PCDHGB1: variants seen among roughly 807,000 people sequenced by gnomAD.
The protein encoded by PCDHGB1 is protocadherin gamma subfamily B, 1, also known as protocadherin gamma-B1.
PCDHGB1 carries 34 observed loss-of-function variants against 56.6 expected under a neutral mutation model. That is an observed-to-expected ratio of 0.60 (90% CI 0.46 to 0.80). PCDHGB1 has a LOEUF of 0.80. Ranked by LOEUF, PCDHGB1 falls within the 30% of genes least tolerant of loss-of-function variation. The pLI is 0.00. For synonymous variants in PCDHGB1, 561 were observed against 505.9 expected (o/e 1.11, Z -1.46); for missense variants, 1,278 against 1,204.6 (o/e 1.06, Z -0.90).
At chr5:141,379,087 A>G (rs1464802506) in intron 1 of PCDHGB1, 1 of 152,222 alleles carries the variant, frequency 6.6e-6, no homozygotes, top group Non-Finnish European at 1.5e-5. Flanking sequence ...TTTGTTATGA[A>G]TGTGTAAGAA....
At chr5:141,397,871 C>G (rs2093579938) in intron 1 of PCDHGB1, 6 of 574,628 alleles carry the variant, frequency 1.0e-5, no homozygotes, top group Non-Finnish European at 1.8e-5. Flanking sequence ...AGTGCTGACT[C>G]TGGGCGCCGC....
chr5:141,424,036 C>A, intron 1 of PCDHGB1: 1 of 1,029,606 alleles, frequency 9.7e-7, no homozygotes, highest in Non-Finnish European at 1.2e-6. Context: ...CTTTTTATTT[C>A]CATTTCAATT....
chr5:141,468,433 A>G (rs2099167290), intron 1 of PCDHGB1: 1 of 152,202 alleles, frequency 6.6e-6, no homozygotes, highest in Non-Finnish European at 1.5e-5. Context: ...GGTAATAGCA[A>G]AATGTGGGTG....
rs530007628 is a variant in PCDHGB1 at position 141,376,702 on chromosome 5, C to T, written c.2409+24033C>T. 1,559 of 561,286 alleles carry T rather than the reference C, an allele frequency of 2.8e-3. 9 individuals carry two copies. The highest frequency in any genetic ancestry group is 3.4e-3 in the Non-Finnish European group (1,255 of 368,136). The allele number at this position is 561,286 out of a possible 1,614,324, so 34.8% of individuals were successfully genotyped here. On this transcript the variant is annotated intron_variant, in intron 1 of 3. Transcript: ENST00000523390. Reference sequence around the variant, plus strand: ...TTTTTTTTTTTTTTTTTTTTTGAGACGGAGTCTCGCTCTGTCGCCCAGGCC... The same window carrying T: ...TTTTTTTTTTTTTTTTTTTTTGAGATGGAGTCTCGCTCTGTCGCCCAGGCC...
At chr5:141,360,081 C>T in intron 1 of PCDHGB1, 6 of 1,486,284 alleles carry the variant, frequency 4.0e-6, no homozygotes, top group Admixed American at 2.5e-5. Flanking sequence ...CCGGATTCTG[C>T]CATCCCCGGA....
At position 141,351,224 on chromosome 5, in the gene PCDHGB1, G is replaced by A; in HGVS notation, c.964G>A (p.Val322Ile). ...VLSVEAKDGG[V>I]HTAHCNVQIE... is the part of the protein sequence containing the mutation. ...GAGTGTGGAAGCTAAGGATGGAGGA[G>A]TACACACAGCTCACTGTAATGTTCA... The change falls in exon 1 of 4, where the codon GTA becomes ATA. Residue 322 changes from valine (V) to isoleucine (I), a missense_variant. Val to Ile is a conservative substitution (Grantham distance 29). Transcript: ENST00000523390. The A allele has an allele frequency of 6.2e-7, 1 of 1,614,036 alleles. No individual in the cohort carries two copies. Among genetic ancestry groups the A allele is most frequent in the East Asian group, 2.2e-5 (1 of 44,884 alleles).
chr5:141,496,499 G>A (rs1417059875), intron 2 of PCDHGB1, among the ~76,000 whole-genome samples: 1 of 152,102 alleles, frequency 6.6e-6, no homozygotes, highest in Non-Finnish European at 1.5e-5. Context: ...AACCCTTGTT[G>A]CCACAAGGAC....
rs746848714 is a variant in PCDHGB1, at chr5:141,357,268, A to G, written c.2409+4599A>G. 1.9e-6 allele frequency: 3 copies of G among 1,613,280 alleles called. No homozygotes were observed. The South Asian group carries it at 3.3e-5, about 18-fold the overall frequency. On this transcript the variant is annotated intron_variant, in intron 1 of 3. Transcript: ENST00000523390. ...AGCAGACCCAGACGACTCGGGCCTCACACTCTATCTCGTGGTGGCAGTGGC... is the reference window on the plus strand; with the variant it reads ...AGCAGACCCAGACGACTCGGGCCTCGCACTCTATCTCGTGGTGGCAGTGGC...
In PCDHGB1 at chr5:141,474,057, G is replaced by A. The variant is rs546654716; in HGVS notation, c.2410-20750G>A. Among the ~76,000 whole-genome samples, 3 of 152,192 alleles carry A rather than the reference G, an allele frequency of 2.0e-5. No homozygotes were observed. In the East Asian group the frequency reaches 5.8e-4, roughly 29 times the overall value. On this transcript the variant is annotated intron_variant, in intron 1 of 3. Transcript: ENST00000523390. ...TGTACTCCAGCCTGGATGACAGAGC[G>A]AGATCCTGCCTCAGAAACAAAAACC... is the stretch of plus-strand genomic sequence containing the variant.
At chr5:141,398,850 A>G in intron 1 of PCDHGB1, 20 of 1,613,982 alleles carry the variant, frequency 1.2e-5, no homozygotes, top group Non-Finnish European at 1.6e-5. Flanking sequence ...ATCCCCCGGT[A>G]TTCAACCGAG....
At chr5:141,362,281 C>A in intron 1 of PCDHGB1, 4 of 1,614,016 alleles carry the variant, frequency 2.5e-6, no homozygotes, top group Non-Finnish European at 3.4e-6. Flanking sequence ...CCTGCGCCTG[C>A]GACTCTCTTC....
intron 1 of PCDHGB1, chr5:141,374,714 G>C (rs1236113306): frequency 1.2e-6 from 2 of 1,609,850 alleles, no homozygotes; most frequent in South Asian, 2.2e-5. Flanking sequence ...TTACCGCCTG[G>C]TCCTTACTGC....
rs769641310 is a variant in PCDHGB1, at chr5:141,477,421, T to G, written c.2410-17386T>G. 1.7e-5 allele frequency: 28 copies of G among 1,614,172 alleles called. No individual in the cohort carries two copies. Among genetic ancestry groups the G allele is most frequent in the Non-Finnish European group, 2.3e-5 (27 of 1,180,028 alleles). On this transcript the variant is annotated intron_variant, in intron 1 of 3. Coordinates refer to ENST00000523390, the MANE Select transcript of PCDHGB1 (RefSeq NM_018922.3). The surrounding 1 kb of genome is among the most constrained non-coding windows in gnomAD (Gnocchi z 4.9). ...TCACCGCCCGAGACGCCGGAACCCC[T>G]TCCCTCTCAGCCCTTACAATAGTGC...
In PCDHGB1 at chr5:141,389,747, G is replaced by C. The variant is rs766506538; in HGVS notation, c.2409+37078G>C. 6 of 1,612,724 alleles carry C rather than the reference G, an allele frequency of 3.7e-6. No individual in the cohort carries two copies. The South Asian group carries it at 4.4e-5, about 12-fold the overall frequency. ...GGCTCTTCAGCCTGGGGCTGCGCAC[G>C]GGCGAAGTGCGCACAGCGCGTGCCT... is the stretch of plus-strand genomic sequence containing the variant. On this transcript the variant is annotated intron_variant, in intron 1 of 3. Coordinates refer to ENST00000523390, the MANE Select transcript of PCDHGB1 (RefSeq NM_018922.3).
chr5:141,506,645 A>G (rs1229614297), intron 3 of PCDHGB1, among the ~76,000 whole-genome samples: 3 of 152,188 alleles, frequency 2.0e-5, no homozygotes, highest in African/African-American at 7.2e-5. Context: ...CCCTCAGCAC[A>G]GGATTGGCAG....
At chr5:141,475,903 G>A in intron 1 of PCDHGB1, 1 of 576,064 alleles carries the variant, frequency 1.7e-6, no homozygotes. Context: ...TGCCGCTGTC[G>A]GCCAATGAAG....
Position 141,351,862 on chromosome 5 carries a change from C to A in PCDHGB1, c.1602C>A (p.Gly534=). The change falls in exon 1 of 4, where the codon GGC becomes GGA. Residue 534 remains glycine (G), a synonymous_variant. Coordinates refer to ENST00000523390, the MANE Select transcript of PCDHGB1 (RefSeq NM_018922.3). ...FELTLQARDQ[G]SPALSANVSL... Reference sequence around the variant, plus strand: ...TCACACTGCAGGCCAGGGACCAGGGCTCCCCCGCGCTCAGCGCCAACGTGA... The same window carrying A: ...TCACACTGCAGGCCAGGGACCAGGGATCCCCCGCGCTCAGCGCCAACGTGA... The A allele has an allele frequency of 6.2e-7, 1 of 1,613,236 alleles. No individual in the cohort carries two copies. Among genetic ancestry groups the A allele is most frequent in the South Asian group, 1.1e-5 (1 of 91,058 alleles).
rs548074156 is a variant in PCDHGB1 at position 141,511,069 on chromosome 5, G to A, written c.2680G>A (p.Gly894Ser). The A allele has an allele frequency of 6.2e-7, 1 of 1,614,230 alleles. No individual in the cohort carries two copies. Among genetic ancestry groups the A allele is most frequent in the Non-Finnish European group, 8.5e-7 (1 of 1,180,034 alleles). ...CTACCGCCAGAATGTCTACATCCCA[G>A]GCAGCAATGCCACACTGACCAACGC... ...PDYRQNVYIP[G>S]SNATLTNAAG... The change falls in exon 4 of 4, where the codon GGC becomes AGC. Residue 894 changes from glycine (G) to serine (S), a missense_variant. Physicochemically the swap from Gly to Ser is moderately conservative, Grantham distance 56 (BLOSUM62 0). Transcript: ENST00000523390.
chr5:141,432,087 C>G lies in PCDHGB1; in HGVS notation c.2410-62720C>G. On this transcript the variant is annotated intron_variant, in intron 1 of 3. Coordinates refer to ENST00000523390, the MANE Select transcript of PCDHGB1 (RefSeq NM_018922.3). This position sits in a 1 kb window ranked among gnomAD's most constrained non-coding sequence, Gnocchi z 6.0. ...GAAACTCATATCTCGCTGAACGTGG[C>G]AGACACCAACGACAACCCGCCGGTC... 3 of 1,614,178 alleles carry G rather than the reference C, an allele frequency of 1.9e-6. No homozygotes were observed. The highest frequency in any genetic ancestry group is 2.5e-6 in the Non-Finnish European group (3 of 1,180,042).
Sources: gnomAD v4.1 joint callset for allele counts (sites outside exome capture counted in the v4.1 genomes callset) on GRCh38, gnomAD v4.1.1 for gene constraint, Gnocchi (gnomAD v3.1) non-coding constraint, MANE v1.5 for transcripts, NCBI Gene and HGNC (gene_info 2026-07-23, HGNC 2026-07-21) for gene names.